The following ARHGEF28 variants were observed in gnomAD, a reference collection of about 807,000 sequenced individuals.
ARHGEF28 encodes 190 kDa guanine nucleotide exchange factor.
A neutral mutation model predicts 206.6 loss-of-function variants in ARHGEF28; 152 were observed. That is an observed-to-expected ratio of 0.74 (90% CI 0.64 to 0.84). ARHGEF28 has a LOEUF of 0.84. Among genes scored for constraint, ARHGEF28 ranks in the 40% least tolerant of loss-of-function variants. ARHGEF28 has a pLI of 0.00. For synonymous variants in ARHGEF28, 763 were observed against 776.4 expected, an observed-to-expected ratio of 0.98 and a Z score of 0.29; for missense variants, 2,028 against 2,073.2, an observed-to-expected ratio of 0.98 and a Z score of 0.42.
chr5:73,841,343 T>A (rs1038492283), intron 11 of ARHGEF28, among the ~76,000 whole-genome samples: 2 of 152,194 alleles, frequency 1.3e-5, no homozygotes, highest in Admixed American at 1.3e-4. Flanking sequence ...TTGTTAGATT[T>A]CATTTTTATA....
At chr5:73,881,110 T>C (rs1187200001) in intron 22 of ARHGEF28, among the ~76,000 whole-genome samples, 1 of 152,010 alleles carries the variant, frequency 6.6e-6, no homozygotes, top group African/African-American at 2.4e-5. Flanking sequence ...TTTCCTCTAA[T>C]TGCTTTTGCA....
intron 35 of ARHGEF28, among the ~76,000 whole-genome samples, chr5:73,924,576 C>T (rs1296267881): frequency 1.3e-5 from 2 of 152,116 alleles, no homozygotes; most frequent in Non-Finnish European, 2.9e-5. Context: ...GCATTCGAGC[C>T]ACTGGGCTGC....
In ARHGEF28 at chr5:73,870,173, G is replaced by A. The variant is rs781633022; in HGVS notation, c.2530G>A (p.Glu844Lys). Residue 844 changes from glutamate (E) to lysine (K), a missense_variant, in exon 21 of 36, where the codon GAG (glutamate) becomes AAG (lysine). Glu to Lys is a moderately conservative substitution (Grantham distance 56). Transcript: ENST00000513042. Reference sequence around the variant, plus strand: ...GGATCCCTCATTTTGTAATAGGCAGGAGAAGGATGTCATCAAAAGACAGGA... The same window carrying A: ...GGATCCCTCATTTTGTAATAGGCAGAAGAAGGATGTCATCAAAAGACAGGA... ...VVDPSFCNRQ[E>K]KDVIKRQDVI... 9 of 1,613,730 alleles carry A rather than the reference G, an allele frequency of 5.6e-6. No individual in the cohort carries two copies. The highest frequency in any genetic ancestry group is 1.3e-5 in the African/African-American group (1 of 74,896).
intron 2 of ARHGEF28, among the ~76,000 whole-genome samples, chr5:73,710,569 T>G (rs1225955660): frequency 1.3e-5 from 2 of 152,218 alleles, no homozygotes; most frequent in African/African-American, 2.4e-5. Flanking sequence ...GTCTATCAAT[T>G]TTTCTTTTTG....
chr5:73,679,554 G>A (rs1300517737), intron 1 of ARHGEF28, among the ~76,000 whole-genome samples: 6 of 143,602 alleles, frequency 4.2e-5, no homozygotes, highest in Non-Finnish European at 6.0e-5. Context: ...GCCACAGAGC[G>A]AGACTCTGTC....
intron 33 of ARHGEF28, chr5:73,908,500 A>G (rs1303610652): frequency 1.3e-5 from 2 of 152,138 alleles, no homozygotes; most frequent in East Asian, 1.9e-4. Flanking sequence ...ACTGCTTTGC[A>G]CTCTAAATGG....
rs950477534 is a variant in ARHGEF28, at chr5:73,663,058, C to T, written c.-11-21783C>T. Among the ~76,000 whole-genome samples the T allele has an allele frequency of 4.6e-5, 7 of 152,148 alleles. No individual in the cohort carries two copies. The East Asian group carries it at 7.7e-4, about 17-fold the overall frequency. ...GCAACCTCCGCCTCCCAGGTTCAAG[C>T]GATTACCCTGCCTCAGCTTCCCAAG... On this transcript the variant is annotated intron_variant, in intron 1 of 35. Transcript: ENST00000513042.
chr5:73,918,965 G>A (rs535242864), intron 35 of ARHGEF28, among the ~76,000 whole-genome samples: 11 of 152,270 alleles, frequency 7.2e-5, no homozygotes, highest in South Asian at 2.1e-4. Context: ...GCATGTCCCC[G>A]GATTGCTGGC....
At chr5:73,847,167 T>C (rs1300398450) in intron 12 of ARHGEF28, among the ~76,000 whole-genome samples, 3 of 152,252 alleles carry the variant, frequency 2.0e-5, no homozygotes, top group Non-Finnish European at 4.4e-5. Context: ...TAAGTTTACT[T>C]ATTACTATAA....
At chr5:73,856,419 G>C (rs569984703) in intron 14 of ARHGEF28, among the ~76,000 whole-genome samples, 28 of 151,770 alleles carry the variant, frequency 1.8e-4, no homozygotes, top group African/African-American at 6.8e-4. Context: ...ACATAACACT[G>C]TTCTGACTAT....
intron 9 of ARHGEF28, among the ~76,000 whole-genome samples, chr5:73,802,924 G>A (rs1158518571): frequency 6.7e-6 from 1 of 148,592 alleles, no homozygotes; most frequent in East Asian, 2.0e-4. Flanking sequence ...GTGTGTGTTG[G>A]TAGGCTTGTT....
chr5:73,910,063 C>G (rs535469150), intron 34 of ARHGEF28, among the ~76,000 whole-genome samples, 166 bp downstream of exon 34: 1 of 152,108 alleles, frequency 6.6e-6, no homozygotes, highest in African/African-American at 2.4e-5. Context: ...TCAGAGATAA[C>G]GCATATCCAT....
intron 4 of ARHGEF28, among the ~76,000 whole-genome samples, chr5:73,771,573 A>G (rs747277261): frequency 1.3e-5 from 2 of 151,724 alleles, no homozygotes; most frequent in African/African-American, 2.4e-5. Context: ...GAGAAATTCC[A>G]TCTTAGTATG....
intron 1 of ARHGEF28, among the ~76,000 whole-genome samples, chr5:73,675,758 A>C (rs1341332029): frequency 6.6e-6 from 1 of 151,344 alleles, no homozygotes; most frequent in Admixed American, 6.6e-5. Context: ...AAAAAAAGAA[A>C]ATAAGCATAT....
intron 2 of ARHGEF28, among the ~76,000 whole-genome samples, chr5:73,706,590 C>G (rs1748950053): frequency 6.6e-6 from 1 of 152,108 alleles, no homozygotes; most frequent in Non-Finnish European, 1.5e-5. Flanking sequence ...AGGGTAGGCA[C>G]TCAGTAAGTA....
chr5:73,730,157 G>T (rs1750522069), intron 2 of ARHGEF28, among the ~76,000 whole-genome samples: 1 of 152,138 alleles, frequency 6.6e-6, no homozygotes, highest in African/African-American at 2.4e-5. Context: ...ATAGCTTATA[G>T]TTCTGTTTAT....
At chr5:73,807,086 C>T (rs1447228938) in intron 9 of ARHGEF28, among the ~76,000 whole-genome samples, 3 of 136,250 alleles carry the variant, frequency 2.2e-5, no homozygotes, top group African/African-American at 2.7e-5. Context: ...GTAACATTAT[C>T]GGATGCTGCT....
chr5:73,852,856 G>A (rs758138963), intron 14 of ARHGEF28, among the ~76,000 whole-genome samples, 164 bp downstream of exon 14: 12 of 152,190 alleles, frequency 7.9e-5, no homozygotes, highest in Non-Finnish European at 1.3e-4. Context: ...GGATAGATCT[G>A]CCAGCCCTCC....
At chr5:73,741,283 A>G (rs1250860058) in intron 2 of ARHGEF28, among the ~76,000 whole-genome samples, 2 of 150,268 alleles carry the variant, frequency 1.3e-5, no homozygotes, top group Admixed American at 6.7e-5. Flanking sequence ...GGCAATTTCA[A>G]TTTGATACTG....
Sources: gnomAD v4.1 joint callset for allele counts (sites outside exome capture counted in the v4.1 genomes callset) on GRCh38, gnomAD v4.1.1 for gene constraint, MANE v1.5 for transcripts, NCBI Gene and HGNC (gene_info 2026-07-23, HGNC 2026-07-21) for gene names.